The following KRT18 variants were observed in gnomAD, a reference collection of about 807,000 sequenced individuals.
KRT18 encodes the protein keratin, type I cytoskeletal 18.
KRT18 carries 8 observed loss-of-function variants against 39.9 expected under a neutral mutation model. That is an observed-to-expected ratio of 0.20 (90% CI 0.12 to 0.36). KRT18 has a LOEUF of 0.36. Among genes scored for constraint, KRT18 ranks in the 10% least tolerant of loss-of-function variants. The pLI, the probability that KRT18 is intolerant of heterozygous loss-of-function variation, is 1.00. For synonymous variants in KRT18, 194 were observed against 227.8 expected (o/e 0.85, Z 1.33); for missense variants, 396 against 565.7 (o/e 0.70, Z 3.04).
intron 6 of KRT18, 168 bp from the exon 7 acceptor site, chr12:52,952,554 C>T (rs929603635): frequency 1.1e-5 from 9 of 828,782 alleles, no homozygotes; most frequent in African/African-American, 1.7e-5. Context: ...CCTAGCTGTA[C>T]TTAGTATGCA....
At chr12:52,948,948 G>A (rs1942402285), upstream of KRT18, 1 of 444,558 alleles carries the variant, frequency 2.2e-6, no homozygotes, top group Non-Finnish European at 3.9e-6. Context: ...GGTGAGCGGG[G>A]CTTGGCAGGG....
chr12:52,952,857 G>A lies in KRT18; in HGVS notation c.*15G>A. The A allele has an allele frequency of 6.2e-7, 1 of 1,603,736 alleles. No individual in the cohort carries two copies. The highest frequency in any genetic ancestry group is 2.2e-5 in the East Asian group (1 of 44,876). On this transcript the variant is annotated 3_prime_UTR_variant, in exon 7 of 7. Coordinates refer to ENST00000388835, the MANE Select transcript of KRT18 (RefSeq NM_000224.3). Reference sequence around the variant, plus strand: ...TGAGGCATTAAGCCAGCAGAAGCAGGGTACCCTTTGGGGAGCAGGAGGCCA... The same window carrying A: ...TGAGGCATTAAGCCAGCAGAAGCAGAGTACCCTTTGGGGAGCAGGAGGCCA...
Position 52,949,280 on chromosome 12 carries a change from A to C in KRT18, c.107A>C (p.Tyr36Ser), listed in dbSNP as rs891346528. The C allele has an allele frequency of 1.8e-5, 29 of 1,610,794 alleles. No homozygotes were observed. The Middle Eastern group carries it at 6.7e-4, about 37-fold the overall frequency. ...ARPVSSAASV[Y>S]AGAGGSGSRI... Reference sequence around the variant, plus strand: ...CCGGTCAGCAGCGCGGCCAGCGTCTATGCAGGCGCTGGGGGCTCTGGTTCC... The same window carrying C: ...CCGGTCAGCAGCGCGGCCAGCGTCTCTGCAGGCGCTGGGGGCTCTGGTTCC... Residue 36 changes from tyrosine (Y) to serine (S), a missense_variant, in exon 1 of 7, where the codon TAT becomes TCT. Tyr to Ser is a moderately radical substitution (Grantham distance 144). Transcript: ENST00000388835.
At position 52,950,747 on chromosome 12, in the gene KRT18, T is replaced by C; in HGVS notation, c.501-3T>C. 6.2e-7 allele frequency: 1 copy of C among 1,609,688 alleles called. No homozygotes were observed. Among genetic ancestry groups the C allele is most frequent in the Middle Eastern group, 2.3e-4 (1 of 4,430 alleles). On this transcript the variant is annotated splice_region_variant and splice_polypyrimidine_tract_variant and intron_variant, in intron 2 of 6. Transcript: ENST00000388835. ...GCCCCTCTGATCACCTCCACTCCTATAGGTATGAGACAGAGCTGGCCATGC... is the reference window on the plus strand; with the variant it reads ...GCCCCTCTGATCACCTCCACTCCTACAGGTATGAGACAGAGCTGGCCATGC...
intron 2 of KRT18, 116 bp downstream of exon 2, chr12:52,950,526 G>T: frequency 1.2e-6 from 1 of 862,418 alleles, no homozygotes. Context: ...GGGTGGATGA[G>T]AGTCAGGGTC....
intron 3 of KRT18, 31 bp from the exon 4 acceptor site, chr12:52,951,450 C>A: frequency 1.9e-6 from 3 of 1,611,718 alleles, no homozygotes; most frequent in Non-Finnish European, 2.5e-6. Context: ...TGACCCTGAA[C>A]CCTCCTCACT....
At chr12:52,951,460 T>C in intron 3 of KRT18, 21 bp from the exon 4 acceptor site, 1 of 1,613,490 alleles carries the variant, frequency 6.2e-7, no homozygotes, top group Non-Finnish European at 8.5e-7. Context: ...CCCTCCTCAC[T>C]TTTGCCCCTG....
Position 52,949,731 on chromosome 12 carries a change from G to T in KRT18, c.417+141G>T, listed in dbSNP as rs539005107. 593 of 786,682 alleles carry T rather than the reference G, an allele frequency of 7.5e-4. 4 individuals carry two copies. Among genetic ancestry groups the T allele is most frequent in the South Asian group, 3.2e-3 (225 of 69,264 alleles). The allele number at this position is 786,682 out of a possible 1,614,324, so 48.7% of individuals were successfully genotyped here. ...TGGGCATACCTGGATTTCCATCCGCGCACCTAGCCACAGGGTCCCTAAGAG... is the reference window on the plus strand; with the variant it reads ...TGGGCATACCTGGATTTCCATCCGCTCACCTAGCCACAGGGTCCCTAAGAG... On this transcript the variant is annotated intron_variant, in intron 1 of 6. Coordinates refer to ENST00000388835, the MANE Select transcript of KRT18 (RefSeq NM_000224.3).
chr12:52,952,142 G>T lies in KRT18; in HGVS notation c.972G>T (p.Leu324=). 6.4e-7 allele frequency: 1 copy of T among 1,565,906 alleles called. No individual in the cohort carries two copies. The highest frequency in any genetic ancestry group is 1.2e-5 in the South Asian group (1 of 85,158). ...RNLKASLENS[L]REVEARYALQ... ...AGAAGGCCAGCTTGGAGAACAGCCT[G>T]AGGGAGGTGGAGGCCCGCTACGCCC... Residue 324 remains leucine, a synonymous_variant, in exon 6 of 7, where the codon CTG becomes CTT. Coordinates refer to ENST00000388835, the MANE Select transcript of KRT18 (RefSeq NM_000224.3).
intron 1 of KRT18, chr12:52,949,964 T>G: frequency 1.6e-6 from 1 of 614,204 alleles, no homozygotes; most frequent in East Asian, 2.7e-5. Flanking sequence ...CAAGAGGCCT[T>G]CCTTTGGGAG....
intron 5 of KRT18, 68 bp from the exon 6 acceptor site, chr12:52,952,050 CA>C: frequency 7.0e-7 from 1 of 1,422,580 alleles, no homozygotes; most frequent in Non-Finnish European, 9.7e-7. Context: ...AAAAAGTTTC[CA>C]AAAGTGAAGG....
In KRT18 at chr12:52,951,796, C is replaced by T. The variant is rs1001812608; in HGVS notation, c.888C>T (p.Leu296=). Residue 296 remains leucine, a synonymous_variant, in exon 5 of 7, where the codon CTC becomes CTT. Transcript: ENST00000388835. The part of the protein sequence containing the change: ...SAEVGAAETT[L]TELRRTVQSL... ...AGGTTGGAGCTGCTGAGACGACGCT[C>T]ACAGAGCTGAGACGTACAGTCCAGT... 1.2e-6 allele frequency: 2 copies of T among 1,611,860 alleles called. No homozygotes were observed. Among genetic ancestry groups the T allele is most frequent in the East Asian group, 2.2e-5 (1 of 44,884 alleles).
Position 52,949,604 on chromosome 12 carries a change from G to T in KRT18, c.417+14G>T. On this transcript the variant is annotated intron_variant, in intron 1 of 6. Coordinates refer to ENST00000388835, the MANE Select transcript of KRT18 (RefSeq NM_000224.3). ...CTGAGGGCTCAGGTAAGGGGTAGGA[G>T]GGACCTCAACTCCCAGCCTTGTCTG... The T allele has an allele frequency of 6.2e-7, 1 of 1,609,942 alleles. No individual in the cohort carries two copies.
chr12:52,950,124 G>C (rs1214483804), intron 1 of KRT18: 1 of 686,348 alleles, frequency 1.5e-6, no homozygotes, highest in Non-Finnish European at 2.6e-6. Context: ...CTTCCCAAGA[G>C]GGGCAGAGTG....
chr12:52,951,268 G>C (rs540558326), intron 3 of KRT18, among the ~76,000 whole-genome samples: 8 of 152,148 alleles, frequency 5.3e-5, no homozygotes, highest in African/African-American at 9.7e-5. Context: ...TAAAGGAACA[G>C]GGTGAAGTTA....
chr12:52,950,954 G>T, intron 3 of KRT18, 48 bp downstream of exon 3: 1 of 1,531,022 alleles, frequency 6.5e-7, no homozygotes. Context: ...GCCAAGAGAA[G>T]TCTGGGTCGG....
chr12:52,951,862 TG>T lies in KRT18; in HGVS notation c.948+7del. On this transcript the variant is annotated splice_region_variant and intron_variant, in intron 5 of 6. Coordinates refer to ENST00000388835, the MANE Select transcript of KRT18 (RefSeq NM_000224.3). ...TGGACTCCATGAGAAATCTGGTGAG[TG>T]CCTTCACATCACCTGCCCAGCTCCT... The T allele has an allele frequency of 6.2e-7, 1 of 1,604,588 alleles. No individual in the cohort carries two copies. Among genetic ancestry groups the T allele is most frequent in the Non-Finnish European group, 8.5e-7 (1 of 1,179,930 alleles).
rs567533442 is a variant in KRT18, at chr12:52,950,322, C to G, written c.418-6C>G. The G allele has an allele frequency of 6.3e-6, 10 of 1,592,630 alleles. No individual in the cohort carries two copies. The African/African-American group carries it at 1.3e-4, about 21-fold the overall frequency. ...ATGGAACAACCTCTCTCTACAATCC[C>G]TCCAGATCTTCGCAAATACTGTGGA... On this transcript the variant is annotated splice_region_variant and splice_polypyrimidine_tract_variant and intron_variant, in intron 1 of 6. Transcript: ENST00000388835.
chr12:52,949,938 G>A, intron 1 of KRT18: 1 of 633,506 alleles, frequency 1.6e-6, no homozygotes, highest in Non-Finnish European at 2.8e-6. Flanking sequence ...CTAAGGCTGA[G>A]TCATCTAGGA....
Sources: gnomAD v4.1 joint callset for allele counts (sites outside exome capture counted in the v4.1 genomes callset) on GRCh38, gnomAD v4.1.1 for gene constraint, MANE v1.5 for transcripts, NCBI Gene and HGNC (gene_info 2026-07-23, HGNC 2026-07-21) for gene names.